Variants in CHRM3 observed in about 807,000 individuals in gnomAD.
The protein encoded by CHRM3 is cholinergic receptor muscarinic 3, also known as muscarinic acetylcholine receptor M3.
A neutral mutation model predicts 41.8 loss-of-function variants in CHRM3; 11 were observed. That is an observed-to-expected ratio of 0.26 (90% CI 0.17 to 0.44). CHRM3 has a LOEUF of 0.44. Among genes scored for constraint, CHRM3 ranks in the 20% least tolerant of loss-of-function variants. The probability of loss-of-function intolerance (pLI) is 1.00; values close to 1 mark genes in which losing one functional copy is unlikely to be tolerated. For missense variants in CHRM3, 571 were observed against 745.4 expected, an observed-to-expected ratio of 0.77 and a Z score of 2.72; for synonymous variants, 297 against 301.4, an observed-to-expected ratio of 0.99 and a Z score of 0.15.
chr1:239,720,058 T>G (rs1333190451), intron 5 of CHRM3: 1 of 151,958 alleles, frequency 6.6e-6, no homozygotes, highest in Non-Finnish European at 1.5e-5. Context: ...AAAATACTTA[T>G]GCAGAAGACC....
chr1:239,759,130 G>A (rs1666480855), intron 5 of CHRM3, among the ~76,000 whole-genome samples: 2 of 146,558 alleles, frequency 1.4e-5, no homozygotes, highest in East Asian at 4.0e-4. Context: ...ATCAGAACTT[G>A]AGCATTTTCC....
intron 1 of CHRM3, among the ~76,000 whole-genome samples, chr1:239,403,850 G>C (rs996761577): frequency 6.6e-6 from 1 of 151,012 alleles, no homozygotes; most frequent in African/African-American, 2.4e-5. Context: ...ATGGGGACAG[G>C]GTCTGTCAAT....
At chr1:239,404,410 A>AAGAAAGAAAG (rs1210507333) in intron 1 of CHRM3, among the ~76,000 whole-genome samples, 1 of 51,754 alleles carries the variant, frequency 1.9e-5, no homozygotes, top group African/African-American at 6.4e-5. Flanking sequence ...GAAAGAAAGA[A>AAGAAAGAAAG]AAAGAAAGAA....
intron 6 of CHRM3, among the ~76,000 whole-genome samples, chr1:239,868,319 G>A (rs1676292122): frequency 6.6e-6 from 1 of 152,150 alleles, no homozygotes; most frequent in African/African-American, 2.4e-5. Flanking sequence ...TGATTTTACA[G>A]CTGTCACTAA....
chr1:239,830,976 G>T (rs1343927803), intron 6 of CHRM3, among the ~76,000 whole-genome samples: 6 of 151,790 alleles, frequency 4.0e-5, no homozygotes, highest in African/African-American at 1.2e-4. Context: ...TTCAAAATTC[G>T]CTTTGTTTGT....
chr1:239,405,456 G>A (rs988650854), intron 1 of CHRM3, among the ~76,000 whole-genome samples: 1 of 152,038 alleles, frequency 6.6e-6, no homozygotes, highest in Admixed American at 6.6e-5. Context: ...TACTTGTAAG[G>A]GAATTTCTAA....
At chr1:239,420,084 A>G (rs1661828391) in intron 1 of CHRM3, among the ~76,000 whole-genome samples, 1 of 152,160 alleles carries the variant, frequency 6.6e-6, no homozygotes, top group Admixed American at 6.5e-5. Context: ...CCTGTTTAGA[A>G]GCTGGGCCTG....
At chr1:239,450,554 G>A (rs148074429) in intron 1 of CHRM3, among the ~76,000 whole-genome samples, 1 of 151,944 alleles carries the variant, frequency 6.6e-6, no homozygotes, top group African/African-American at 2.4e-5. Context: ...TGGCCATTGG[G>A]GCTGCTTAAA....
At chr1:239,762,105 C>G (rs1396248815) in intron 5 of CHRM3, among the ~76,000 whole-genome samples, 1 of 152,064 alleles carries the variant, frequency 6.6e-6, no homozygotes, top group African/African-American at 2.4e-5. Flanking sequence ...GCTATTTTAT[C>G]CAGTTTTGTA....
At chr1:239,538,015 G>A (rs1399379888) in intron 2 of CHRM3, among the ~76,000 whole-genome samples, 5 of 152,188 alleles carry the variant, frequency 3.3e-5, no homozygotes, top group South Asian at 4.1e-4. Flanking sequence ...GGGTAGCCAC[G>A]TGAGCAGTGT....
chr1:239,849,678 A>G (rs969337866), intron 6 of CHRM3, among the ~76,000 whole-genome samples: 51 of 152,238 alleles, frequency 3.4e-4, no homozygotes, highest in African/African-American at 1.2e-3. Context: ...TTGACCATAG[A>G]CGCTCCTTTG....
At chr1:239,417,703 ATTTAAAAT>A (rs1377917701) in intron 1 of CHRM3, among the ~76,000 whole-genome samples, 1 of 150,994 alleles carries the variant, frequency 6.6e-6, no homozygotes, top group Non-Finnish European at 1.5e-5. Flanking sequence ...AGTATTCTTA[ATTTAAAAT>A]TTTAGAAATT....
intron 5 of CHRM3, among the ~76,000 whole-genome samples, chr1:239,768,821 A>G (rs602004): frequency 0.74 from 111,354 of 151,464 alleles, 41,301 homozygotes; most frequent in African/African-American, 0.76. Flanking sequence ...CTGGAGTGCA[A>G]TGGCATGATC....
At chr1:239,445,851 A>G (rs1664085745) in intron 1 of CHRM3, among the ~76,000 whole-genome samples, 2 of 152,194 alleles carry the variant, frequency 1.3e-5, no homozygotes, top group Non-Finnish European at 2.9e-5. Context: ...AGTATAGTAT[A>G]ATGGGAAATG....
intron 1 of CHRM3, among the ~76,000 whole-genome samples, chr1:239,488,319 G>A (rs377051661): frequency 7.2e-5 from 11 of 152,138 alleles, no homozygotes; most frequent in African/African-American, 2.4e-4. Context: ...TATTAGCAGA[G>A]GTACAGAAAG....
At chr1:239,719,865 G>A (rs534832774) in intron 5 of CHRM3, among the ~76,000 whole-genome samples, 5 of 151,940 alleles carry the variant, frequency 3.3e-5, no homozygotes, top group Non-Finnish European at 7.4e-5. Flanking sequence ...TGGGAAAGGG[G>A]TGATATTTGT....
chr1:239,846,888 A>G (rs1402821557), intron 6 of CHRM3, among the ~76,000 whole-genome samples: 1 of 152,170 alleles, frequency 6.6e-6, no homozygotes, highest in Non-Finnish European at 1.5e-5. Context: ...TAAGATGAGT[A>G]CTCTATATAA....
In CHRM3 at chr1:239,664,704, C is replaced by A. The variant is rs1673589905; in HGVS notation, c.-249-13482C>A. ...AGCCCCTCTCCCTTCTTCTGTCCTC[C>A]CCTATGATCTCATGTTACCCTCTTT... On this transcript the variant is annotated intron_variant, in intron 4 of 6. Coordinates refer to ENST00000676153, the MANE Select transcript of CHRM3 (RefSeq NM_001375978.1). 2.6e-5 allele frequency among the ~76,000 whole-genome samples: 4 copies of A among 152,076 alleles called. No individual in the cohort carries two copies. In the South Asian group the frequency reaches 8.3e-4, roughly 31 times the overall value.
chr1:239,618,823 G>C (rs1189898471), intron 3 of CHRM3, among the ~76,000 whole-genome samples: 1 of 131,188 alleles, frequency 7.6e-6, no homozygotes, highest in African/African-American at 2.9e-5. Flanking sequence ...CAGCCTGGGA[G>C]ACAGAGCGAG....
Sources: gnomAD v4.1 joint callset for allele counts (sites outside exome capture counted in the v4.1 genomes callset) on GRCh38, gnomAD v4.1.1 for gene constraint, MANE v1.5 for transcripts, NCBI Gene and HGNC (gene_info 2026-07-23, HGNC 2026-07-21) for gene names.